The following EFR3B variants were observed in gnomAD, a reference collection of about 807,000 sequenced individuals.
The protein encoded by EFR3B is protein EFR3 homolog B.
EFR3B carries 64 observed loss-of-function variants against 104.7 expected under a neutral mutation model. The ratio of observed to expected loss-of-function variants is 0.61; its 90% CI spans 0.50 to 0.75. The LOEUF (loss-of-function observed/expected upper bound fraction) is 0.75. Among genes scored for constraint, EFR3B ranks in the 30% least tolerant of loss-of-function variants. The pLI is 0.00. For synonymous variants in EFR3B, 385 were observed against 417.9 expected, an observed-to-expected ratio of 0.92 and a Z score of 0.96; for missense variants, 750 against 1,078.5, an observed-to-expected ratio of 0.70 and a Z score of 4.27.
At position 25,131,560 on chromosome 2, in the gene EFR3B, T is replaced by TA. The variant is rs1670335664; in HGVS notation, c.985+58dup. 6.5e-7 allele frequency: 1 copy of TA among 1,541,532 alleles called. No homozygotes were observed. On this transcript the variant is annotated intron_variant, in intron 9 of 22. Coordinates refer to ENST00000403714, the MANE Select transcript of EFR3B (RefSeq NM_014971.2). The surrounding 1 kb of genome is among the most constrained non-coding windows in gnomAD (Gnocchi z 7.6). ...GGACCCCGCGGAGGCTGCCGCCTCTTACAGAGAGAGGCAAGGGACAACAGG... is the reference window on the plus strand; with the variant it reads ...GGACCCCGCGGAGGCTGCCGCCTCTTAACAGAGAGAGGCAAGGGACAACAGG...
intron 1 of EFR3B, among the ~76,000 whole-genome samples, chr2:25,088,883 G>A (rs1418339440): frequency 6.6e-6 from 1 of 152,158 alleles, no homozygotes; most frequent in Middle Eastern, 3.2e-3. Flanking sequence ...GGAGTAAGTC[G>A]GGAAGCCCTC....
At chr2:25,128,435 GC>G in intron 6 of EFR3B, 103 bp downstream of exon 6, 1 of 1,435,040 alleles carries the variant, frequency 7.0e-7, no homozygotes. Flanking sequence ...CAGCTACAAG[GC>G]CAGGGACATG....
chr2:25,083,909 ACTCTACAGC>A (rs535447093), intron 1 of EFR3B, among the ~76,000 whole-genome samples: 16 of 152,048 alleles, frequency 1.1e-4, no homozygotes, highest in Non-Finnish European at 2.1e-4. Flanking sequence ...GGACACGTGC[ACTCTACAGC>A]CTGAGATGCA....
intron 20 of EFR3B, among the ~76,000 whole-genome samples, chr2:25,150,736 G>A (rs953348937): frequency 6.7e-6 from 1 of 150,136 alleles, no homozygotes; most frequent in Non-Finnish European, 1.5e-5. Flanking sequence ...TCAGCCTCCC[G>A]CGTGACTGGG....
rs1275827312 is a variant in EFR3B at position 25,132,896 on chromosome 2, C to T, written c.1148-7C>T. ...TCACTGGGCACCCTCTCCGCCACCT[C>T]CTGCAGGCTCCTTTGCCAGCACGCT... On this transcript the variant is annotated splice_region_variant and splice_polypyrimidine_tract_variant and intron_variant, in intron 10 of 22. Transcript: ENST00000403714. The T allele has an allele frequency of 6.5e-7, 1 of 1,550,016 alleles. No individual in the cohort carries two copies. The highest frequency in any genetic ancestry group is 8.7e-7 in the Non-Finnish European group (1 of 1,146,798).
At chr2:25,083,360 C>T (rs1052596893) in intron 1 of EFR3B, among the ~76,000 whole-genome samples, 8 of 152,146 alleles carry the variant, frequency 5.3e-5, no homozygotes, top group African/African-American at 1.4e-4. Context: ...AGTTAAACTC[C>T]ACAATTTGTA....
chr2:25,149,166 T>C (rs2149213827), intron 19 of EFR3B, among the ~76,000 whole-genome samples: 1 of 151,694 alleles, frequency 6.6e-6, no homozygotes, highest in Non-Finnish European at 1.5e-5. Flanking sequence ...CTGACCAACA[T>C]GGTGAAACCC....
chr2:25,114,911 C>T lies in EFR3B; in HGVS notation c.364-6762C>T, dbSNP rs1573212778. ...TTAAGGATGCAGGTACCTGGCCGGG[C>T]GCAGTGGCTGACGCCTGTAATCCCA... On this transcript the variant is annotated intron_variant, in intron 4 of 22. Transcript: ENST00000403714. This position sits in a 1 kb window ranked among gnomAD's most constrained non-coding sequence, Gnocchi z 4.0. Among the ~76,000 whole-genome samples, 1 of 152,208 alleles carries T rather than the reference C, an allele frequency of 6.6e-6. No individual in the cohort carries two copies. Among genetic ancestry groups the T allele is most frequent in the East Asian group, 1.9e-4 (1 of 5,200 alleles).
intron 1 of EFR3B, 44 bp from the exon 2 acceptor site, chr2:25,091,281 C>G (rs1162868901): frequency 6.5e-7 from 1 of 1,537,712 alleles, no homozygotes; most frequent in South Asian, 1.2e-5. Flanking sequence ...TTCCTGGGCC[C>G]GACCAGGAGG....
rs1034346702 is a variant in EFR3B at position 25,156,290 on chromosome 2, G to GTTTTTTTTTTT, written c.*1965_*1975dup. 7.0e-5 allele frequency: 5 copies of GTTTTTTTTTTT among 71,752 alleles called. No individual in the cohort carries two copies. Among genetic ancestry groups the GTTTTTTTTTTT allele is most frequent in the African/African-American group, 1.7e-4 (3 of 17,866 alleles). 4.4% of individuals were successfully genotyped at this position (71,752 alleles called of 1,614,324 possible). On this transcript the variant is annotated 3_prime_UTR_variant, in exon 23 of 23. Transcript: ENST00000403714. ...TGTGGGCACACAGCTTCTTTTTCTT[G>GTTTTTTTTTTT]TTTTTTTTTTTTTTTTTTTTTTTTT...
At chr2:25,103,587 C>T in intron 3 of EFR3B, 50 bp from the exon 4 acceptor site, 1 of 1,528,820 alleles carries the variant, frequency 6.5e-7, no homozygotes, top group African/African-American at 1.4e-5. Flanking sequence ...CTGGTTGGGC[C>T]ATGGGGTGGC....
In EFR3B at chr2:25,042,793, C is replaced by A; in HGVS notation, c.7+474C>A. 1 of 702,976 alleles carries A rather than the reference C, an allele frequency of 1.4e-6. No homozygotes were observed. 43.5% of individuals were successfully genotyped at this position (702,976 alleles called of 1,614,324 possible). On this transcript the variant is annotated intron_variant, in intron 1 of 22. Coordinates refer to ENST00000403714, the MANE Select transcript of EFR3B (RefSeq NM_014971.2). The surrounding 1 kb of genome is among the most constrained non-coding windows in gnomAD (Gnocchi z 5.4). ...GCGGCGCAGAGGCCCGGGGAGCAGC[C>A]AGTGGCCGAGTCTCGTCTCGCCCGC...
chr2:25,148,340 A>T (rs1276089737), intron 19 of EFR3B, among the ~76,000 whole-genome samples: 5 of 149,166 alleles, frequency 3.4e-5, no homozygotes, highest in African/African-American at 1.2e-4. Context: ...TGCAATCTCC[A>T]CCTCCCGGTT....
At chr2:25,118,366 G>A (rs902619154) in intron 4 of EFR3B, among the ~76,000 whole-genome samples, 1 of 152,176 alleles carries the variant, frequency 6.6e-6, no homozygotes, top group South Asian at 2.1e-4. Flanking sequence ...TGAGCATAAT[G>A]TCTTCCAGGT....
At chr2:25,074,931 T>G (rs1668594750) in intron 1 of EFR3B, among the ~76,000 whole-genome samples, 1 of 152,132 alleles carries the variant, frequency 6.6e-6, no homozygotes, top group Admixed American at 6.5e-5. Context: ...TGCCAACTTT[T>G]TAAAAAACTT....
chr2:25,144,752 A>G (rs1481157208), intron 18 of EFR3B, among the ~76,000 whole-genome samples: 2 of 152,200 alleles, frequency 1.3e-5, no homozygotes, highest in Non-Finnish European at 2.9e-5. Flanking sequence ...TTTAGCCCCA[A>G]AGAACAAAAC....
chr2:25,051,375 A>T (rs1222334080), intron 1 of EFR3B, among the ~76,000 whole-genome samples: 2 of 151,796 alleles, frequency 1.3e-5, no homozygotes, highest in East Asian at 3.9e-4. Context: ...TCAGCCTCCC[A>T]AAGTGCTGGG....
intron 1 of EFR3B, among the ~76,000 whole-genome samples, chr2:25,052,055 G>A (rs1333031098): frequency 1.3e-5 from 2 of 151,768 alleles, no homozygotes; most frequent in Non-Finnish European, 1.5e-5. Context: ...AATTAGCCGA[G>A]CATGGTGGCA....
At chr2:25,152,043 G>C (rs17046887) in intron 21 of EFR3B, 23 bp downstream of exon 21, 5 of 1,548,398 alleles carry the variant, frequency 3.2e-6, no homozygotes, top group Non-Finnish European at 4.4e-6. Flanking sequence ...TGACATGGGC[G>C]AGTCCCTGGG....
Sources: gnomAD v4.1 joint callset for allele counts (sites outside exome capture counted in the v4.1 genomes callset) on GRCh38, gnomAD v4.1.1 for gene constraint, Gnocchi (gnomAD v3.1) non-coding constraint, MANE v1.5 for transcripts, NCBI Gene and HGNC (gene_info 2026-07-23, HGNC 2026-07-21) for gene names.